The following LUZP2 variants were observed in gnomAD, a reference collection of about 807,000 sequenced individuals.
LUZP2 encodes leucine zipper protein 2.
LUZP2 carries 52 observed loss-of-function variants against 51.6 expected under a neutral mutation model. The observed-to-expected ratio is 1.01, with a 90% CI of 0.81 to 1.27. The LOEUF (loss-of-function observed/expected upper bound fraction) is 1.27. Among genes scored for constraint, LUZP2 ranks in the 50% most tolerant of loss-of-function variants. The pLI is 0.00. For synonymous variants in LUZP2, 154 were observed against 137.3 expected (o/e 1.12, Z -0.85); for missense variants, 436 against 395.4 (o/e 1.10, Z -0.87).
At chr11:24,846,095 G>A (rs1280423412) in intron 5 of LUZP2, among the ~76,000 whole-genome samples, 1 of 151,496 alleles carries the variant, frequency 6.6e-6, no homozygotes, top group African/African-American at 2.4e-5. Flanking sequence ...GTCAACTGAA[G>A]GGCTTAACCA....
chr11:24,908,844 C>G (rs1188403370), intron 6 of LUZP2, among the ~76,000 whole-genome samples: 2 of 151,352 alleles, frequency 1.3e-5, no homozygotes, highest in African/African-American at 2.4e-5. Context: ...CAAGCTCCAC[C>G]TCCCAGGTTC....
At chr11:25,024,590 A>G (rs1351238822) in intron 9 of LUZP2, among the ~76,000 whole-genome samples, 1 of 152,088 alleles carries the variant, frequency 6.6e-6, no homozygotes, top group African/African-American at 2.4e-5. Flanking sequence ...CAACTTACAA[A>G]GGATGTGAAG....
intron 9 of LUZP2, among the ~76,000 whole-genome samples, chr11:25,009,653 G>T (rs77875218): frequency 4.6e-5 from 7 of 151,846 alleles, no homozygotes; most frequent in African/African-American, 2.4e-5. Context: ...TCTATTTTTC[G>T]TTTTACCTCA....
At chr11:24,945,993 G>T (rs1298919347) in intron 7 of LUZP2, among the ~76,000 whole-genome samples, 1 of 151,836 alleles carries the variant, frequency 6.6e-6, no homozygotes, top group Admixed American at 6.6e-5. Context: ...CCTAGACCCA[G>T]GGAAAAGATA....
chr11:24,726,691 T>C (rs1023134525), intron 1 of LUZP2, among the ~76,000 whole-genome samples: 2 of 151,998 alleles, frequency 1.3e-5, no homozygotes, highest in African/African-American at 4.8e-5. Context: ...TTATCAGTGG[T>C]AAAAATATAT....
intron 1 of LUZP2, among the ~76,000 whole-genome samples, chr11:24,634,148 G>T (rs1406458415): frequency 6.6e-6 from 1 of 151,842 alleles, no homozygotes; most frequent in Non-Finnish European, 1.5e-5. Flanking sequence ...ATATGTAAAT[G>T]AATTTTTGTG....
intron 1 of LUZP2, among the ~76,000 whole-genome samples, chr11:24,716,913 A>G (rs1277367305): frequency 6.6e-6 from 1 of 152,070 alleles, no homozygotes; most frequent in African/African-American, 2.4e-5. Flanking sequence ...TTTTTTTAAT[A>G]TAAAATAATA....
At chr11:24,606,619 T>C (rs908109129) in intron 1 of LUZP2, among the ~76,000 whole-genome samples, 7 of 152,018 alleles carry the variant, frequency 4.6e-5, no homozygotes, top group Non-Finnish European at 1.0e-4. Flanking sequence ...TGAGGATATC[T>C]CTGATATTTC....
intron 9 of LUZP2, among the ~76,000 whole-genome samples, chr11:24,985,118 T>G (rs1310646459): frequency 6.6e-6 from 1 of 151,792 alleles, no homozygotes; most frequent in Admixed American, 6.6e-5. Context: ...TATTGTTTGT[T>G]TAGTGTTTTG....
intron 7 of LUZP2, among the ~76,000 whole-genome samples, chr11:24,948,857 AT>A (rs1429611426): frequency 5.3e-5 from 8 of 150,694 alleles, no homozygotes; most frequent in African/African-American, 1.7e-4. Flanking sequence ...CTATCTATCT[AT>A]CTATCTATCT....
chr11:24,648,208 C>G (rs1855520016), intron 1 of LUZP2, among the ~76,000 whole-genome samples: 1 of 151,908 alleles, frequency 6.6e-6, no homozygotes, highest in South Asian at 2.1e-4. Flanking sequence ...CTGCCTGGCT[C>G]TTAAATTTCT....
intron 5 of LUZP2, among the ~76,000 whole-genome samples, chr11:24,850,378 G>A (rs908259812): frequency 1.1e-4 from 16 of 152,136 alleles, no homozygotes; most frequent in Non-Finnish European, 2.2e-4. Context: ...CATTAAGTAG[G>A]GAATCCATTC....
chr11:24,685,719 GAAATATCAT>G (rs1214266700), intron 1 of LUZP2, among the ~76,000 whole-genome samples: 1 of 152,106 alleles, frequency 6.6e-6, no homozygotes, highest in Non-Finnish European at 1.5e-5. Flanking sequence ...GTTTTCCCAT[GAAATATCAT>G]AAACTAAGAA....
chr11:24,944,677 G>A (rs1233363379), intron 7 of LUZP2, among the ~76,000 whole-genome samples: 1 of 152,118 alleles, frequency 6.6e-6, no homozygotes, highest in Non-Finnish European at 1.5e-5. Flanking sequence ...CAAGGATTGG[G>A]GAAGGTTCTT....
intron 1 of LUZP2, among the ~76,000 whole-genome samples, chr11:24,512,782 C>T (rs1487712025): frequency 6.7e-6 from 1 of 149,814 alleles, no homozygotes; most frequent in East Asian, 1.9e-4. Flanking sequence ...TGGAGTCTCA[C>T]TCTGTTGCCC....
At chr11:24,590,315 C>T (rs554101266) in intron 1 of LUZP2, among the ~76,000 whole-genome samples, 68 of 152,170 alleles carry the variant, frequency 4.5e-4, no homozygotes, top group African/African-American at 1.6e-3. Context: ...TACATATTTA[C>T]GGAGTACAAT....
rs989826706 is a variant in LUZP2 at position 24,729,226 on chromosome 11, C to A, written c.120C>A (p.Thr40=). Residue 40 remains threonine, a synonymous_variant, in exon 2 of 12, where the codon ACC becomes ACA. Coordinates refer to ENST00000336930, the MANE Select transcript of LUZP2 (RefSeq NM_001009909.4). ...QLKEVFKERS[T]ILRQLTKTSR... is the part of the protein sequence containing the mutation. ...AAGAAGTCTTTAAGGAGCGAAGCAC[C>A]ATTCTTCGTCAGCTGACAAAGACAT... 12 of 1,577,764 alleles carry A rather than the reference C, an allele frequency of 7.6e-6. No homozygotes were observed. The highest frequency in any genetic ancestry group is 1.0e-5 in the Non-Finnish European group (12 of 1,155,624).
chr11:24,983,914 A>T (rs1326859649), intron 9 of LUZP2, among the ~76,000 whole-genome samples: 2 of 151,570 alleles, frequency 1.3e-5, no homozygotes, highest in Non-Finnish European at 3.0e-5. Flanking sequence ...CATTTGAGCA[A>T]ATCTTCCTCC....
intron 5 of LUZP2, chr11:24,786,036 A>G (rs1849236345): frequency 2.0e-6 from 2 of 985,152 alleles, no homozygotes; most frequent in South Asian, 4.7e-5. Flanking sequence ...GAGTACATCA[A>G]TGTATTAACT....
Sources: allele counts gnomAD v4.1 joint callset (sites outside exome capture counted in the v4.1 genomes callset), GRCh38; gene constraint gnomAD v4.1.1; transcripts MANE v1.5; gene names NCBI Gene and HGNC (gene_info 2026-07-23, HGNC 2026-07-21).